Variants in AFTPH observed in about 807,000 individuals in gnomAD.
The protein encoded by AFTPH is aftiphilin.
In AFTPH, 7 loss-of-function variants were observed where a neutral mutation model predicts 72.5. The observed-to-expected ratio is 0.10, with a 90% CI of 0.05 to 0.18. AFTPH has a LOEUF of 0.18. Among genes scored for constraint, AFTPH ranks in the 10% least tolerant of loss-of-function variants. AFTPH has a pLI of 1.00. For synonymous variants in AFTPH, 337 were observed against 370.1 expected (o/e 0.91, Z 1.03); for missense variants, 979 against 1,060.5 (o/e 0.92, Z 1.07).
chr2:64,535,296 G>A (rs1323103644), intron 1 of AFTPH, among the ~76,000 whole-genome samples: 5 of 144,988 alleles, frequency 3.4e-5, no homozygotes, highest in South Asian at 2.1e-4. Context: ...TATCATCTTC[G>A]AAACTTTTAA....
intron 6 of AFTPH, among the ~76,000 whole-genome samples, chr2:64,575,959 C>T (rs961904934): frequency 2.6e-5 from 4 of 151,306 alleles, no homozygotes; most frequent in Admixed American, 6.6e-5. Flanking sequence ...GGCTGGTCTC[C>T]AACTCCTGAC....
intron 1 of AFTPH, among the ~76,000 whole-genome samples, chr2:64,526,717 C>G (rs189849638): frequency 8.2e-4 from 125 of 152,284 alleles, no homozygotes; most frequent in Non-Finnish European, 1.6e-3. Flanking sequence ...CAGATATAGT[C>G]ACAAGTTCTT....
At chr2:64,543,041 A>G (rs1365695425) in intron 1 of AFTPH, among the ~76,000 whole-genome samples, 1 of 152,252 alleles carries the variant, frequency 6.6e-6, no homozygotes, top group African/African-American at 2.4e-5. Context: ...CAGTTTCTCC[A>G]CATCCTTACC....
intron 8 of AFTPH, among the ~76,000 whole-genome samples, chr2:64,585,912 T>C (rs2104238425): frequency 6.6e-6 from 1 of 152,270 alleles, no homozygotes; most frequent in South Asian, 2.1e-4. Flanking sequence ...GAACCCAGTT[T>C]TGTAATCCTG....
At chr2:64,581,140 T>C in intron 7 of AFTPH, 50 bp from the exon 8 acceptor site, 1 of 1,420,496 alleles carries the variant, frequency 7.0e-7, no homozygotes, top group Non-Finnish European at 9.7e-7. Context: ...CCTCCTCCCT[T>C]GGCTTACCTT....
At chr2:64,568,785 AT>A (rs1185203904) in intron 3 of AFTPH, among the ~76,000 whole-genome samples, 4 of 151,732 alleles carry the variant, frequency 2.6e-5, no homozygotes, top group African/African-American at 7.3e-5. Flanking sequence ...AATTTTTTGT[AT>A]TTTTTAGTAG....
chr2:64,576,201 T>TA (rs1317534606), intron 6 of AFTPH, among the ~76,000 whole-genome samples: 1 of 148,158 alleles, frequency 6.7e-6, no homozygotes, highest in African/African-American at 2.5e-5. Flanking sequence ...ATATATAACA[T>TA]ATATATATAT....
intron 7 of AFTPH, 85 bp downstream of exon 7, chr2:64,579,631 C>A: frequency 8.0e-7 from 1 of 1,250,438 alleles, no homozygotes; most frequent in Non-Finnish European, 1.1e-6. Flanking sequence ...TGCTGATTTC[C>A]TTTTTTGTTT....
chr2:64,551,815 AAAT>A, exon 2 of AFTPH: 1 of 1,613,402 alleles, frequency 6.2e-7, no homozygotes, highest in East Asian at 2.2e-5. Flanking sequence ...ACCAGCAAAG[AAAT>A]AATTTCATCT....
intron 7 of AFTPH, among the ~76,000 whole-genome samples, chr2:64,582,218 C>T (rs1176738336): frequency 2.6e-5 from 4 of 152,146 alleles, no homozygotes; most frequent in African/African-American, 9.7e-5. Flanking sequence ...TCACAACTAG[C>T]CTGGTTCCTG....
intron 2 of AFTPH, among the ~76,000 whole-genome samples, chr2:64,558,211 A>G (rs1671507324): frequency 6.6e-6 from 1 of 152,238 alleles, no homozygotes; most frequent in Admixed American, 6.5e-5. Flanking sequence ...AAGAAAGGAA[A>G]ACTAACTGGA....
chr2:64,592,077 C>A (rs201384463), exon 9 of AFTPH: 142 of 1,577,126 alleles, frequency 9.0e-5, no homozygotes, highest in Middle Eastern at 1.7e-4. Context: ...TCCTTTTTTC[C>A]ATCCCTTCCC....
chr2:64,589,695 A>T (rs1415402856), intron 8 of AFTPH, among the ~76,000 whole-genome samples: 1 of 152,106 alleles, frequency 6.6e-6, no homozygotes, highest in Non-Finnish European at 1.5e-5. Flanking sequence ...GTAAAAACTT[A>T]TTTTTTGCTG....
chr2:64,573,467 C>T (rs968182345), intron 6 of AFTPH, among the ~76,000 whole-genome samples: 2 of 150,676 alleles, frequency 1.3e-5, no homozygotes, highest in African/African-American at 2.4e-5. Flanking sequence ...AAAGGAAACA[C>T]TGTATTTATA....
intron 2 of AFTPH, among the ~76,000 whole-genome samples, chr2:64,566,286 A>G (rs1165163243): frequency 3.3e-5 from 5 of 152,186 alleles, no homozygotes; most frequent in Admixed American, 2.0e-4. Context: ...TATCACACAC[A>G]TGAATATAAT....
chr2:64,550,695 A>G (rs1391931908), intron 1 of AFTPH, among the ~76,000 whole-genome samples: 7 of 121,796 alleles, frequency 5.7e-5, no homozygotes, highest in East Asian at 2.2e-4. Flanking sequence ...ACACACACAC[A>G]CACACACACA....
intron 6 of AFTPH, chr2:64,578,931 C>T (rs1269833062): frequency 6.6e-6 from 1 of 152,228 alleles, no homozygotes; most frequent in African/African-American, 2.4e-5. Flanking sequence ...TTGGCAAGGT[C>T]AGAGGAGATT....
chr2:64,535,506 CCTTA>C (rs1192071166), intron 1 of AFTPH, among the ~76,000 whole-genome samples: 2 of 152,188 alleles, frequency 1.3e-5, no homozygotes, highest in Non-Finnish European at 2.9e-5. Context: ...GTCCCACTTT[CCTTA>C]CTTATTCTTT....
chr2:64,575,285 C>T (rs1672693570), intron 6 of AFTPH, among the ~76,000 whole-genome samples: 1 of 152,126 alleles, frequency 6.6e-6, no homozygotes, highest in South Asian at 2.1e-4. Context: ...ACCTCCATCA[C>T]AGAATTGTAT....
Sources: allele counts gnomAD v4.1 joint callset (sites outside exome capture counted in the v4.1 genomes callset), GRCh38; gene constraint gnomAD v4.1.1; transcripts MANE v1.5; gene names NCBI Gene and HGNC (gene_info 2026-07-23, HGNC 2026-07-21).